The following CAB39 variants were observed in gnomAD, a reference collection of about 807,000 sequenced individuals.
CAB39 encodes the protein calcium binding protein 39.
Under a neutral mutation model 40.0 loss-of-function variants are expected in CAB39, and 8 were observed. The observed-to-expected ratio is 0.20, with a 90% CI of 0.12 to 0.36. The LOEUF is 0.36. Among genes scored for constraint, CAB39 ranks in the 10% least tolerant of loss-of-function variants. The pLI, the probability that CAB39 is intolerant of heterozygous loss-of-function variation, is 1.00. For synonymous variants in CAB39, 156 were observed against 141.6 expected (o/e 1.10, Z -0.72); for missense variants, 270 against 401.1 (o/e 0.67, Z 2.79).
chr2:230,776,877 C>T (rs564001374), intron 2 of CAB39, among the ~76,000 whole-genome samples: 1 of 152,154 alleles, frequency 6.6e-6, no homozygotes, highest in African/African-American at 2.4e-5. Flanking sequence ...TTAGTTGAGA[C>T]GGGGTTTCAC....
chr2:230,818,450 C>T (rs1477069113), intron 8 of CAB39, 66 bp from the exon 9 acceptor site: 2 of 1,313,818 alleles, frequency 1.5e-6, no homozygotes, highest in East Asian at 4.7e-5. Context: ...TGCACTGTGG[C>T]CGCAGCTCAG....
intron 2 of CAB39, among the ~76,000 whole-genome samples, chr2:230,783,068 T>G (rs1305997668): frequency 6.6e-6 from 1 of 152,114 alleles, no homozygotes. Context: ...GACCTCGTGA[T>G]TCGCCCGCCT....
rs77291838 is a variant in CAB39 at position 230,820,243 on chromosome 2, T to G, written c.*1539T>G. 1.3e-5 allele frequency: 2 copies of G among 152,374 alleles called. No individual in the cohort carries two copies. The highest frequency in any genetic ancestry group is 2.9e-5 in the Non-Finnish European group (2 of 68,042). The allele number at this position is 152,374 out of a possible 1,614,324, so 9.4% of individuals were successfully genotyped here. On this transcript the variant is annotated 3_prime_UTR_variant, in exon 9 of 9. Transcript: ENST00000258418. Reference sequence around the variant, plus strand: ...GCTGCAGCTGATTAAGAAATTGATATGATTATTCTTTGCTAGCCTCTCTTA... The same window carrying G: ...GCTGCAGCTGATTAAGAAATTGATAGGATTATTCTTTGCTAGCCTCTCTTA...
intron 4 of CAB39, among the ~76,000 whole-genome samples, chr2:230,797,430 C>T (rs1473961650): frequency 6.7e-6 from 1 of 150,228 alleles, no homozygotes; most frequent in Non-Finnish European, 1.5e-5. Flanking sequence ...ATGAACAGCA[C>T]AGATACAGAA....
chr2:230,763,057 G>A (rs1019276781), intron 2 of CAB39, among the ~76,000 whole-genome samples: 1 of 152,012 alleles, frequency 6.6e-6, no homozygotes, highest in African/African-American at 2.4e-5. Flanking sequence ...AATTAAAACT[G>A]AAAAATTTAA....
chr2:230,755,027 T>C (rs1695165599), intron 1 of CAB39, among the ~76,000 whole-genome samples: 1 of 152,216 alleles, frequency 6.6e-6, no homozygotes, highest in Admixed American at 6.5e-5. Context: ...TTCCTTTTTA[T>C]GGCTGAGTAG....
chr2:230,765,714 CAGG>C (rs1695373987), intron 2 of CAB39, among the ~76,000 whole-genome samples: 1 of 151,962 alleles, frequency 6.6e-6, no homozygotes, highest in Non-Finnish European at 1.5e-5. Flanking sequence ...GGAGACATTA[CAGG>C]TTGTAACACT....
chr2:230,769,084 TA>T (rs1303263877), intron 2 of CAB39, among the ~76,000 whole-genome samples: 3 of 152,052 alleles, frequency 2.0e-5, no homozygotes, highest in Non-Finnish European at 4.4e-5. Flanking sequence ...TTAACACTCA[TA>T]AAAAGAAAGC....
intron 2 of CAB39, among the ~76,000 whole-genome samples, chr2:230,764,455 A>G (rs1695347509): frequency 1.3e-5 from 2 of 152,212 alleles, no homozygotes; most frequent in Non-Finnish European, 2.9e-5. Context: ...TCAACTTTTG[A>G]TGGGTATATC....
At chr2:230,734,989 T>G (rs771962220) in intron 1 of CAB39, among the ~76,000 whole-genome samples, 1 of 152,096 alleles carries the variant, frequency 6.6e-6, no homozygotes, top group Non-Finnish European at 1.5e-5. Context: ...GACCAATACT[T>G]GTTGATTGGG....
intron 7 of CAB39, 75 bp from the exon 8 acceptor site, chr2:230,817,679 A>G: frequency 8.4e-7 from 1 of 1,189,500 alleles, no homozygotes; most frequent in Non-Finnish European, 1.2e-6. Flanking sequence ...GATGATTATA[A>G]AATAAATTGT....
At chr2:230,743,363 A>C (rs376341738) in intron 1 of CAB39, among the ~76,000 whole-genome samples, 1 of 152,224 alleles carries the variant, frequency 6.6e-6, no homozygotes. Context: ...GAAATAGTTA[A>C]AAAGCAATCT....
rs1167807687 is a variant in CAB39, at chr2:230,788,772, TGTC to T, written c.115-2099_115-2097del. Among the ~76,000 whole-genome samples the T allele has an allele frequency of 3.9e-5, 6 of 152,364 alleles. No homozygotes were observed. The East Asian group carries it at 1.2e-3, about 29-fold the overall frequency. On this transcript the variant is annotated intron_variant, in intron 2 of 8. Coordinates refer to ENST00000258418, the MANE Select transcript of CAB39 (RefSeq NM_016289.4). ...GCATCATTCCTGTCAAGAAGTCTGT[TGTC>T]ATTCTTTGATTCTTTGTCCATAGTA...
intron 7 of CAB39, among the ~76,000 whole-genome samples, chr2:230,815,222 C>T (rs748358372): frequency 6.6e-6 from 1 of 152,252 alleles, no homozygotes; most frequent in Non-Finnish European, 1.5e-5. Context: ...GCAGGGCATC[C>T]GTGACAGCCA....
intron 1 of CAB39, among the ~76,000 whole-genome samples, chr2:230,759,213 C>T (rs1343813601): frequency 3.9e-5 from 6 of 152,120 alleles, no homozygotes; most frequent in Non-Finnish European, 5.9e-5. Flanking sequence ...TTCCCCTGTC[C>T]AGGCTTCTCT....
intron 2 of CAB39, among the ~76,000 whole-genome samples, chr2:230,782,574 C>T (rs948089920): frequency 1.3e-5 from 2 of 151,922 alleles, no homozygotes; most frequent in Non-Finnish European, 2.9e-5. Context: ...CACAGGTAGA[C>T]GACCATACTG....
intron 1 of CAB39, among the ~76,000 whole-genome samples, chr2:230,733,125 A>G (rs1369551101): frequency 6.6e-6 from 1 of 152,202 alleles, no homozygotes; most frequent in Non-Finnish European, 1.5e-5. Context: ...GGGAGTCAAA[A>G]TAGTCACAGA....
In CAB39 at chr2:230,749,861, T is replaced by C. The variant is rs187224921; in HGVS notation, c.-43-10098T>C. On this transcript the variant is annotated intron_variant, in intron 1 of 8. Transcript: ENST00000258418. ...ACATTTTTAAGTTTACTGATACATATGAATATATTGATTGTAGTATGAAAG... is the reference window on the plus strand; with the variant it reads ...ACATTTTTAAGTTTACTGATACATACGAATATATTGATTGTAGTATGAAAG... 4.0e-3 allele frequency among the ~76,000 whole-genome samples: 616 copies of C among 152,290 alleles called. 2 individuals are homozygous for C. Among genetic ancestry groups the C allele is most frequent in the Non-Finnish European group, 3.5e-3 (239 of 68,016 alleles).
At chr2:230,768,332 A>G (rs1695422544) in intron 2 of CAB39, among the ~76,000 whole-genome samples, 5 of 152,224 alleles carry the variant, frequency 3.3e-5, no homozygotes, top group Admixed American at 2.0e-4. Context: ...CAGTAGTAGT[A>G]AGATAAATGT....
Sources: gnomAD v4.1 joint callset for allele counts (sites outside exome capture counted in the v4.1 genomes callset) on GRCh38, gnomAD v4.1.1 for gene constraint, MANE v1.5 for transcripts, NCBI Gene and HGNC (gene_info 2026-07-23, HGNC 2026-07-21) for gene names.